Variants in SDK1 observed in about 807,000 individuals in gnomAD.
SDK1 encodes sidekick cell adhesion molecule 1.
A neutral mutation model predicts 245.5 loss-of-function variants in SDK1; 157 were observed. That is an observed-to-expected ratio of 0.64 (90% CI 0.56 to 0.73). The LOEUF is 0.73. Among genes scored for constraint, SDK1 ranks in the 30% least tolerant of loss-of-function variants. SDK1 has a pLI of 0.00. For synonymous variants in SDK1, 1,647 were observed against 1,278.5 expected, an observed-to-expected ratio of 1.29 and a Z score of -6.15; for missense variants, 3,583 against 3,002.3, an observed-to-expected ratio of 1.19 and a Z score of -4.52.
At chr7:3,997,445 C>G (rs1039626066) in intron 14 of SDK1, among the ~76,000 whole-genome samples, 1 of 151,966 alleles carries the variant, frequency 6.6e-6, no homozygotes, top group Non-Finnish European at 1.5e-5. Context: ...CAGCTCATCC[C>G]GACAAGTGTT....
chr7:4,245,383 G>T (rs1423890633), intron 43 of SDK1, among the ~76,000 whole-genome samples: 7 of 152,094 alleles, frequency 4.6e-5, no homozygotes, highest in Non-Finnish European at 8.8e-5. Flanking sequence ...CCCGACCTCA[G>T]GGTGCTGTTT....
chr7:3,439,993 T>C (rs1461870812), intron 1 of SDK1, among the ~76,000 whole-genome samples: 1 of 152,188 alleles, frequency 6.6e-6, no homozygotes, highest in Non-Finnish European at 1.5e-5. Context: ...ATGGGAAATA[T>C]TTAAGATATA....
At chr7:3,305,705 T>C (rs1044261101) in intron 1 of SDK1, among the ~76,000 whole-genome samples, 36 of 152,332 alleles carry the variant, frequency 2.4e-4, no homozygotes, top group African/African-American at 8.7e-4. Context: ...GTTAATTAAA[T>C]TTTATTAGGC....
At chr7:3,881,638 C>G (rs1181961065) in intron 5 of SDK1, among the ~76,000 whole-genome samples, 1 of 152,172 alleles carries the variant, frequency 6.6e-6, no homozygotes, top group East Asian at 1.9e-4. Flanking sequence ...AATAGGATTG[C>G]TGGGTCAAAT....
intron 1 of SDK1, among the ~76,000 whole-genome samples, chr7:3,557,474 C>G (rs1779624096): frequency 6.6e-6 from 1 of 152,128 alleles, no homozygotes; most frequent in African/African-American, 2.4e-5. Context: ...ACCAGGGGTC[C>G]TGATGGCAAT....
At chr7:3,509,438 ACCTTC>A (rs1164407652) in intron 1 of SDK1, among the ~76,000 whole-genome samples, 1 of 152,158 alleles carries the variant, frequency 6.6e-6, no homozygotes, top group Non-Finnish European at 1.5e-5. Flanking sequence ...GATAATACAC[ACCTTC>A]TTAGAGGTAA....
At chr7:3,805,588 C>G (rs1021614493) in intron 4 of SDK1, among the ~76,000 whole-genome samples, 1 of 152,138 alleles carries the variant, frequency 6.6e-6, no homozygotes, top group Non-Finnish European at 1.5e-5. Context: ...ATAGCAGTTC[C>G]CCCAGTGGAG....
At chr7:4,206,580 A>G (rs1468800541) in intron 36 of SDK1, among the ~76,000 whole-genome samples, 1 of 152,194 alleles carries the variant, frequency 6.6e-6, no homozygotes, top group African/African-American at 2.4e-5. Context: ...AGATGGGGAG[A>G]AAGGAAGGCA....
chr7:3,855,648 G>A (rs1034749800), intron 5 of SDK1, among the ~76,000 whole-genome samples: 1 of 152,192 alleles, frequency 6.6e-6, no homozygotes, highest in Non-Finnish European at 1.5e-5. Context: ...AAGGGAATGT[G>A]GGGGAGGTAA....
chr7:3,366,892 C>T (rs891099323), intron 1 of SDK1, among the ~76,000 whole-genome samples: 17 of 152,050 alleles, frequency 1.1e-4, no homozygotes, highest in Non-Finnish European at 1.2e-4. Context: ...CAGGCATGCA[C>T]CACCATGCCC....
rs975690295 is a variant in SDK1 at position 3,988,557 on chromosome 7, C to T, written c.2131+1235C>T. ...CTGTGCAGCCTCGGGTCACCCTGGG[C>T]TACTGTGCTCTTTCTCCACACCGGT... On this transcript the variant is annotated intron_variant, in intron 14 of 44. Coordinates refer to ENST00000404826, the MANE Select transcript of SDK1 (RefSeq NM_152744.4). Among the ~76,000 whole-genome samples the T allele has an allele frequency of 5.9e-5, 9 of 152,252 alleles. No individual in the cohort carries two copies. The East Asian group carries it at 1.7e-3, about 29-fold the overall frequency.
At chr7:3,432,163 T>A (rs7796297) in intron 1 of SDK1, among the ~76,000 whole-genome samples, 6,630 of 147,456 alleles carry the variant, frequency 0.045, 446 homozygotes, top group African/African-American at 0.15. Context: ...ATATATATTT[T>A]TATATATATA....
At position 3,962,221 on chromosome 7, in the gene SDK1, C is replaced by T. The variant is rs150400851; in HGVS notation, c.1235-436C>T. On this transcript the variant is annotated intron_variant, in intron 8 of 44. Coordinates refer to ENST00000404826, the MANE Select transcript of SDK1 (RefSeq NM_152744.4). ...GTATTCTGCCCAAGGTGACACTGTC[C>T]GCGAGGCATGGACCTGGGATGTGGC... Among the ~76,000 whole-genome samples the T allele has an allele frequency of 7.7e-4, 118 of 152,332 alleles. 1 individual carries two copies. The Middle Eastern group carries it at 0.017, about 22-fold the overall frequency.
intron 5 of SDK1, among the ~76,000 whole-genome samples, chr7:3,915,900 G>C (rs1779359633): frequency 6.6e-6 from 1 of 152,126 alleles, no homozygotes; most frequent in South Asian, 2.1e-4. Flanking sequence ...CAGTTTATTT[G>C]ATCATTCTTG....
Position 3,745,035 on chromosome 7 carries a change from C to A in SDK1, c.714-76415C>A, listed in dbSNP as rs546226765. 4.6e-5 allele frequency among the ~76,000 whole-genome samples: 7 copies of A among 152,200 alleles called. No individual in the cohort carries two copies. In the South Asian group the frequency reaches 1.2e-3, roughly 27 times the overall value. On this transcript the variant is annotated intron_variant, in intron 4 of 44. Coordinates refer to ENST00000404826, the MANE Select transcript of SDK1 (RefSeq NM_152744.4). ...ATTAAACCGGCCTCCATGTGATGAT[C>A]ATCTGTTAGCTTTAGTATTGTCTCA...
intron 1 of SDK1, among the ~76,000 whole-genome samples, chr7:3,449,236 C>T (rs1178535803): frequency 6.6e-6 from 1 of 152,168 alleles, no homozygotes; most frequent in African/African-American, 2.4e-5. Flanking sequence ...GATCTGAAGG[C>T]AAATTGCCGA....
chr7:3,751,452 G>T (rs1246483842), intron 4 of SDK1, among the ~76,000 whole-genome samples: 1 of 151,734 alleles, frequency 6.6e-6, no homozygotes, highest in Non-Finnish European at 1.5e-5. Context: ...CTTCGGCGGG[G>T]GGTGGGGGGA....
At chr7:4,214,861 A>G (rs375517901) in intron 38 of SDK1, among the ~76,000 whole-genome samples, 1 of 152,194 alleles carries the variant, frequency 6.6e-6, no homozygotes, top group Non-Finnish European at 1.5e-5. Context: ...TCCCGCCACA[A>G]CACCGTCAGT....
Position 4,265,347 on chromosome 7 carries a change from C to T in SDK1, c.6605C>T (p.Ala2202Val), listed in dbSNP as rs1434117522. Residue 2202 changes from alanine (A) to valine (V), a missense_variant, in exon 45 of 45, where the codon GCG becomes GTG. Coordinates refer to ENST00000404826, the MANE Select transcript of SDK1 (RefSeq NM_152744.4). ...GTCTACACCCCCGCTGGCCCCGGCG[C>T]GCGAACTCCGCTCACCGGCTTCTCC... ...GGVYTPAGPG[A>V]RTPLTGFSSF... 4.1e-6 allele frequency: 6 copies of T among 1,460,828 alleles called. No homozygotes were observed. The highest frequency in any genetic ancestry group is 5.4e-6 in the Non-Finnish European group (6 of 1,119,528). 90.5% of individuals were successfully genotyped at this position (1,460,828 alleles called of 1,614,324 possible).
Sources: gnomAD v4.1 joint callset for allele counts (sites outside exome capture counted in the v4.1 genomes callset) on GRCh38, gnomAD v4.1.1 for gene constraint, MANE v1.5 for transcripts, NCBI Gene and HGNC (gene_info 2026-07-23, HGNC 2026-07-21) for gene names.